The following FRMD4B variants were observed in gnomAD, a reference collection of about 807,000 sequenced individuals.
FRMD4B encodes the protein FERM domain-containing protein 4B.
In FRMD4B, 74 loss-of-function variants were observed where a neutral mutation model predicts 141.5. The ratio of observed to expected loss-of-function variants is 0.52; its 90% CI spans 0.43 to 0.63. The LOEUF is 0.63. Among genes scored for constraint, FRMD4B ranks in the 30% least tolerant of loss-of-function variants. The pLI, the probability that FRMD4B is intolerant of heterozygous loss-of-function variation, is 0.00. For synonymous variants in FRMD4B, 506 were observed against 467.9 expected, an observed-to-expected ratio of 1.08 and a Z score of -1.05; for missense variants, 1,366 against 1,253.4, an observed-to-expected ratio of 1.09 and a Z score of -1.36.
intron 1 of FRMD4B, among the ~76,000 whole-genome samples, chr3:69,479,388 T>C (rs1276657992): frequency 6.6e-6 from 1 of 152,128 alleles, no homozygotes; most frequent in Admixed American, 6.6e-5. Flanking sequence ...AGGAGCTCTT[T>C]TAGGGCAGGC....
intron 3 of FRMD4B, among the ~76,000 whole-genome samples, chr3:69,306,235 A>G (rs934193076): frequency 6.6e-6 from 1 of 152,224 alleles, no homozygotes; most frequent in Non-Finnish European, 1.5e-5. Flanking sequence ...ATCAGCAAAT[A>G]TAATAGATCT....
chr3:69,526,593 G>A (rs146795806), intron 1 of FRMD4B, among the ~76,000 whole-genome samples: 2 of 152,278 alleles, frequency 1.3e-5, no homozygotes, highest in East Asian at 1.9e-4. Flanking sequence ...CCAGCTGTGT[G>A]GGGCCGAGAA....
At chr3:69,538,906 G>C (rs1443360220) in intron 1 of FRMD4B, among the ~76,000 whole-genome samples, 2 of 152,112 alleles carry the variant, frequency 1.3e-5, no homozygotes, top group Non-Finnish European at 2.9e-5. Context: ...CAACTACATT[G>C]AAAAAGGGAG....
chr3:69,314,188 G>A, intron 1 of FRMD4B, among the ~76,000 whole-genome samples: 1 of 54,420 alleles, frequency 1.8e-5, no homozygotes, highest in Non-Finnish European at 3.1e-5. Flanking sequence ...CTCCATCCCA[G>A]AGGAAACTAC....
At chr3:69,321,258 C>T (rs1309825015) in intron 1 of FRMD4B, among the ~76,000 whole-genome samples, 4 of 151,992 alleles carry the variant, frequency 2.6e-5, no homozygotes, top group African/African-American at 9.7e-5. Context: ...GAAATAGCTA[C>T]AAAAAAAGAC....
intron 5 of FRMD4B, among the ~76,000 whole-genome samples, chr3:69,262,497 T>C (rs1194893065): frequency 6.9e-6 from 1 of 144,240 alleles, no homozygotes; most frequent in Non-Finnish European, 1.5e-5. Context: ...AGATGGAGTT[T>C]CGCTTTTGTC....
At chr3:69,276,491 C>G (rs1212295243) in intron 5 of FRMD4B, among the ~76,000 whole-genome samples, 1 of 152,128 alleles carries the variant, frequency 6.6e-6, no homozygotes, top group Non-Finnish European at 1.5e-5. Flanking sequence ...CCAGGCTGGT[C>G]TCAATCTCCT....
At chr3:69,274,651 T>G (rs933334020) in intron 5 of FRMD4B, among the ~76,000 whole-genome samples, 6 of 152,166 alleles carry the variant, frequency 3.9e-5, no homozygotes, top group African/African-American at 1.4e-4. Context: ...CCCAAGTAGC[T>G]GGGACTACAG....
At chr3:69,318,272 G>A (rs1701872195) in intron 1 of FRMD4B, among the ~76,000 whole-genome samples, 1 of 152,188 alleles carries the variant, frequency 6.6e-6, no homozygotes, top group African/African-American at 2.4e-5. Context: ...ATAGTACCCA[G>A]CCGGATTCTG....
At position 69,311,315 on chromosome 3, in the gene FRMD4B, G is replaced by A. The variant is rs114083486; in HGVS notation, c.271C>T (p.His91Tyr). The change falls in exon 3 of 23, where the codon CAT (histidine) becomes TAT (tyrosine). Residue 91 changes from histidine to tyrosine, a missense_variant. Physicochemically the swap from His to Tyr is moderately conservative, Grantham distance 83. Transcript: ENST00000398540. ...TACTCCTTTTCTTTCAGGTTGAAAT[G>A]TGAAGCCACTAGGTCCAGCAACTCT... Reference protein sequence around the residue: ...ARELLDLVASHFNLKEKEYFG... With the variant: ...ARELLDLVASYFNLKEKEYFG... 2,727 of 1,601,968 alleles carry A rather than the reference G, an allele frequency of 1.7e-3. 39 individuals carry two copies. The African/African-American group carries it at 0.028, about 16-fold the overall frequency.
intron 22 of FRMD4B, among the ~76,000 whole-genome samples, chr3:69,176,191 G>C (rs1045437947): frequency 3.9e-5 from 6 of 151,960 alleles, no homozygotes; most frequent in Non-Finnish European, 8.8e-5. Flanking sequence ...GAAGACCAGG[G>C]TCAAATCTGA....
intron 11 of FRMD4B, among the ~76,000 whole-genome samples, chr3:69,213,698 T>C (rs1022712631): frequency 3.3e-5 from 5 of 150,620 alleles, no homozygotes; most frequent in Non-Finnish European, 5.9e-5. Flanking sequence ...GGTTTTGCTC[T>C]GTCACCCAGG....
At chr3:69,412,974 C>T (rs1218928918) in intron 2 of FRMD4B, among the ~76,000 whole-genome samples, 2 of 150,288 alleles carry the variant, frequency 1.3e-5, no homozygotes, top group Admixed American at 6.7e-5. Context: ...CTATTATCAC[C>T]GATGGGTCTC....
intron 1 of FRMD4B, among the ~76,000 whole-genome samples, chr3:69,472,693 G>C (rs1419405792): frequency 6.6e-6 from 1 of 152,090 alleles, no homozygotes; most frequent in African/African-American, 2.4e-5. Context: ...GGTGAGGTTG[G>C]AGCGAAAGTT....
At chr3:69,388,908 C>A (rs78505181), upstream of FRMD4B, among the ~76,000 whole-genome samples, 2 of 152,020 alleles carry the variant, frequency 1.3e-5, no homozygotes, top group Non-Finnish European at 1.5e-5. Context: ...TGCATTGTGG[C>A]GAAGTCTGGG....
intron 3 of FRMD4B, among the ~76,000 whole-genome samples, chr3:69,309,014 T>C (rs1701483992): frequency 6.6e-6 from 1 of 152,234 alleles, no homozygotes; most frequent in South Asian, 2.1e-4. Flanking sequence ...TGCTAGACTA[T>C]AGCATTGCAA....
At position 69,287,756 on chromosome 3, in the gene FRMD4B, T is replaced by C; in HGVS notation, c.497A>G (p.His166Arg). 1 of 1,570,712 alleles carries C rather than the reference T, an allele frequency of 6.4e-7. No individual in the cohort carries two copies. Among genetic ancestry groups the C allele is most frequent in the South Asian group, 1.1e-5 (1 of 89,466 alleles). Residue 166 changes from histidine to arginine, a missense_variant, in exon 5 of 23, where the codon CAC becomes CGC. His to Arg is a conservative substitution (Grantham distance 29, BLOSUM62 0). Coordinates refer to ENST00000398540, the MANE Select transcript of FRMD4B (RefSeq NM_015123.3). ...LFFLNAKACVHKGQIEVESET... is the reference protein window; with the variant it reads ...LFFLNAKACVRKGQIEVESET... Reference sequence around the variant, plus strand: ...CATGACAAACGGGGCACCTACCTTGTGCACACAGGCCTTTGCATTCAGGAA... The same window carrying C: ...CATGACAAACGGGGCACCTACCTTGCGCACACAGGCCTTTGCATTCAGGAA...
intron 1 of FRMD4B, among the ~76,000 whole-genome samples, chr3:69,469,276 G>T (rs1287910474): frequency 6.6e-6 from 1 of 152,170 alleles, no homozygotes. Context: ...TGCAGTATAG[G>T]AAGTCTCAGC....
intron 7 of FRMD4B, among the ~76,000 whole-genome samples, chr3:69,236,509 A>G (rs1484296781): frequency 6.6e-6 from 1 of 152,156 alleles, no homozygotes; most frequent in African/African-American, 2.4e-5. Context: ...GATTACATGC[A>G]TGAGCCACCG....
Sources: gnomAD v4.1 joint callset for allele counts (sites outside exome capture counted in the v4.1 genomes callset) on GRCh38, gnomAD v4.1.1 for gene constraint, MANE v1.5 for transcripts, NCBI Gene and HGNC (gene_info 2026-07-23, HGNC 2026-07-21) for gene names.